CSGALNACT1: variants seen among roughly 807,000 people sequenced by gnomAD.
CSGALNACT1 encodes chondroitin sulfate N-acetylgalactosaminyltransferase 1.
Under a neutral mutation model 51.0 loss-of-function variants are expected in CSGALNACT1, and 52 were observed. The observed-to-expected ratio is 1.02, with a 90% CI of 0.82 to 1.29. The LOEUF is 1.29. Ranked by LOEUF, CSGALNACT1 falls within the 50% of genes most tolerant of loss-of-function variation. The pLI, the probability that CSGALNACT1 is intolerant of heterozygous loss-of-function variation, is 0.00. For synonymous variants in CSGALNACT1, 341 were observed against 254.4 expected, an observed-to-expected ratio of 1.34 and a Z score of -3.24; for missense variants, 935 against 679.2, an observed-to-expected ratio of 1.38 and a Z score of -4.19.
chr8:19,538,313 A>G (rs2084252689), intron 3 of CSGALNACT1, among the ~76,000 whole-genome samples: 1 of 152,144 alleles, frequency 6.6e-6, no homozygotes, highest in Non-Finnish European at 1.5e-5. Context: ...ACAGAGCAAG[A>G]TCCTGTCTGA....
At chr8:19,418,794 A>G (rs1471133254) in intron 7 of CSGALNACT1, 44 bp from the exon 7 acceptor site, 1 of 1,360,750 alleles carries the variant, frequency 7.3e-7, no homozygotes, top group Non-Finnish European at 1.1e-6. Flanking sequence ...GACAGATCCA[A>G]GTAGTAGGTT....
At chr8:19,450,357 A>G (rs1027045263) in intron 5 of CSGALNACT1, among the ~76,000 whole-genome samples, 12 of 151,954 alleles carry the variant, frequency 7.9e-5, no homozygotes, top group Non-Finnish European at 1.6e-4. Flanking sequence ...GTTTAAGCCA[A>G]TATGTGACTG....
intron 3 of CSGALNACT1, among the ~76,000 whole-genome samples, chr8:19,549,615 C>CAA (rs2087413106): frequency 6.6e-6 from 1 of 150,796 alleles, no homozygotes; most frequent in East Asian, 1.9e-4. Flanking sequence ...TTCCCCTTTT[C>CAA]TCCCCATCAG....
At position 19,652,078 on chromosome 8, in the gene CSGALNACT1, C is replaced by T. The variant is rs189546716; in HGVS notation, c.-544+30395G>A. 4.6e-5 allele frequency among the ~76,000 whole-genome samples: 7 copies of T among 152,054 alleles called. No homozygotes were observed. The East Asian group carries it at 9.7e-4, about 21-fold the overall frequency. Reference sequence around the variant, plus strand: ...CTGAATAGCTGGAACTACACGTGTACACCACCACACCCAGCTAATTTTAAA... The same window carrying T: ...CTGAATAGCTGGAACTACACGTGTATACCACCACACCCAGCTAATTTTAAA... On this transcript the variant is annotated intron_variant, in intron 1 of 9. Transcript: ENST00000332246.
In CSGALNACT1 at chr8:19,705,055, G is replaced by C. The variant is rs985747279; in HGVS notation, c.-297+52795C>G. Reference sequence around the variant, plus strand: ...AATACACGTATTGCCCACTTAAAATGTGCTAAGAGGGTAGATCTTAAGTAT... The same window carrying C: ...AATACACGTATTGCCCACTTAAAATCTGCTAAGAGGGTAGATCTTAAGTAT... On this transcript the variant is annotated intron_variant, in intron 1 of 1. Transcript: ENST00000517494. 2.6e-5 allele frequency among the ~76,000 whole-genome samples: 4 copies of C among 152,298 alleles called. No individual in the cohort carries two copies. In the South Asian group the frequency reaches 6.2e-4, roughly 24 times the overall value.
chr8:19,505,341 C>G, exon 4 of CSGALNACT1: 4 of 1,614,132 alleles, frequency 2.5e-6, no homozygotes, highest in Non-Finnish European at 3.4e-6. Context: ...CTCGGGGTGG[C>G]GGGTAAGGCC....
At chr8:19,655,046 T>G (rs979026131) in intron 1 of CSGALNACT1, among the ~76,000 whole-genome samples, 1 of 152,134 alleles carries the variant, frequency 6.6e-6, no homozygotes, top group African/African-American at 2.4e-5. Flanking sequence ...TCAAAATACA[T>G]TGAGTAATAA....
chr8:19,688,042 C>A (rs1482032965), intron 1 of CSGALNACT1, among the ~76,000 whole-genome samples: 2 of 152,216 alleles, frequency 1.3e-5, no homozygotes, highest in African/African-American at 4.8e-5. Context: ...TCATCAATCT[C>A]ACAGCCCTCC....
chr8:19,421,820 G>A (rs997492232), intron 6 of CSGALNACT1, among the ~76,000 whole-genome samples: 2 of 152,084 alleles, frequency 1.3e-5, no homozygotes, highest in African/African-American at 4.8e-5. Flanking sequence ...TTATCTTAGG[G>A]ATCAGTGAGC....
intron 1 of CSGALNACT1, among the ~76,000 whole-genome samples, chr8:19,712,179 C>T (rs1489783112): frequency 1.3e-5 from 2 of 152,138 alleles, no homozygotes; most frequent in East Asian, 3.9e-4. Context: ...GTTCGCGCCG[C>T]CACGCCCGGC....
chr8:19,523,411 C>T (rs981048652), intron 3 of CSGALNACT1, among the ~76,000 whole-genome samples: 10 of 152,080 alleles, frequency 6.6e-5, no homozygotes, highest in Admixed American at 6.6e-4. Flanking sequence ...ACTACAGATG[C>T]ATGACATGAT....
intron 3 of CSGALNACT1, among the ~76,000 whole-genome samples, chr8:19,579,561 T>C (rs2045101908): frequency 6.6e-6 from 1 of 152,230 alleles, no homozygotes; most frequent in African/African-American, 2.4e-5. Context: ...TAAGTAGAGA[T>C]AGAGACGGAC....
chr8:19,474,836 C>G (rs532446395), intron 4 of CSGALNACT1, among the ~76,000 whole-genome samples: 45 of 143,520 alleles, frequency 3.1e-4, no homozygotes, highest in African/African-American at 1.1e-3. Context: ...CATTGCATTC[C>G]AGCCTGGGCA....
chr8:19,626,135 A>G (rs1004489382), intron 1 of CSGALNACT1, among the ~76,000 whole-genome samples: 2 of 152,236 alleles, frequency 1.3e-5, no homozygotes, highest in South Asian at 2.1e-4. Context: ...AAAGAAGAAT[A>G]AAGTCAGAGG....
intron 6 of CSGALNACT1, among the ~76,000 whole-genome samples, chr8:19,429,194 T>A (rs531917817): frequency 1.1e-3 from 168 of 152,332 alleles, no homozygotes; most frequent in Non-Finnish European, 2.0e-3. Flanking sequence ...GTTTTTCTTT[T>A]GAGACAGAGT....
intron 1 of CSGALNACT1, among the ~76,000 whole-genome samples, chr8:19,670,038 C>T (rs1323824218): frequency 6.6e-6 from 1 of 152,108 alleles, no homozygotes; most frequent in East Asian, 1.9e-4. Context: ...CTACCTACTC[C>T]TACCTACCAA....
At position 19,406,066 on chromosome 8, in the gene CSGALNACT1, C is replaced by T. The variant is rs1441814774; in HGVS notation, c.1313G>A (p.Gly438Glu). 4 of 1,613,970 alleles carry T rather than the reference C, an allele frequency of 2.5e-6. No individual in the cohort carries two copies. In the African/African-American group the frequency reaches 5.3e-5, roughly 22 times the overall value. ...CCAGCCTTTGATGTCCAGATCAAAC[C>T]CACCTGTCGGGACAGAACACACTGT... The change falls in exon 10 of 10, where the codon GGG becomes GAG. Residue 438 changes from glycine to glutamate, a missense_variant. Transcript: ENST00000454498.
intron 1 of CSGALNACT1, among the ~76,000 whole-genome samples, chr8:19,668,953 T>C (rs2059586981): frequency 6.6e-6 from 1 of 152,254 alleles, no homozygotes; most frequent in South Asian, 2.1e-4. Flanking sequence ...TAATAATCTA[T>C]GAATTTCCAG....
intron 1 of CSGALNACT1, among the ~76,000 whole-genome samples, chr8:19,739,673 T>A (rs2064191180): frequency 6.6e-6 from 1 of 152,192 alleles, no homozygotes; most frequent in Non-Finnish European, 1.5e-5. Flanking sequence ...CCTTTCCTTC[T>A]ATGCCTGGAA....
Sources: gnomAD v4.1 joint callset for allele counts (sites outside exome capture counted in the v4.1 genomes callset) on GRCh38, gnomAD v4.1.1 for gene constraint, MANE v1.5 for transcripts, NCBI Gene and HGNC (gene_info 2026-07-23, HGNC 2026-07-21) for gene names.